L3MBTL4: variants seen among roughly 807,000 people sequenced by gnomAD.
L3MBTL4 encodes L3MBTL histone methyl-lysine binding protein 4.
A neutral mutation model predicts 84.5 loss-of-function variants in L3MBTL4; 70 were observed. The ratio of observed to expected loss-of-function variants is 0.83; its 90% CI spans 0.68 to 1.01. The LOEUF is 1.01. Among genes scored for constraint, L3MBTL4 ranks in the 50% least tolerant of loss-of-function variants. The pLI, the probability that L3MBTL4 is intolerant of heterozygous loss-of-function variation, is 0.00. For missense variants in L3MBTL4, 715 were observed against 754.8 expected (o/e 0.95, Z 0.62); for synonymous variants, 274 against 259.8 (o/e 1.05, Z -0.52).
intron 14 of L3MBTL4, among the ~76,000 whole-genome samples, chr18:6,127,974 G>GT (rs1165890746): frequency 2.1e-4 from 29 of 135,384 alleles, no homozygotes; most frequent in Non-Finnish European, 4.5e-5. Context: ...AATGCCTTTA[G>GT]TATAATGGGA....
intron 1 of L3MBTL4, among the ~76,000 whole-genome samples, chr18:6,340,217 C>A (rs2052542673): frequency 6.6e-6 from 1 of 152,126 alleles, no homozygotes; most frequent in South Asian, 2.1e-4. Context: ...CCTCATACTG[C>A]CACAAAAACA....
intron 10 of L3MBTL4, among the ~76,000 whole-genome samples, chr18:6,233,623 T>C (rs1052928200): frequency 4.6e-5 from 7 of 151,896 alleles, no homozygotes; most frequent in Non-Finnish European, 8.8e-5. Flanking sequence ...TGTGAAGGAC[T>C]TCTTCAAGGA....
chr18:6,192,376 T>C (rs1365868692), intron 12 of L3MBTL4, among the ~76,000 whole-genome samples: 1 of 151,936 alleles, frequency 6.6e-6, no homozygotes, highest in Admixed American at 6.6e-5. Flanking sequence ...AGGATGGGCA[T>C]GTAGATAAGG....
intron 16 of L3MBTL4, among the ~76,000 whole-genome samples, chr18:6,010,882 T>C (rs1449411196): frequency 6.6e-6 from 1 of 152,198 alleles, no homozygotes; most frequent in Non-Finnish European, 1.5e-5. Flanking sequence ...AGGCTAAACA[T>C]CAAGAAGAAC....
chr18:6,265,906 T>C (rs1309661523), intron 4 of L3MBTL4, among the ~76,000 whole-genome samples: 1 of 152,204 alleles, frequency 6.6e-6, no homozygotes, highest in Non-Finnish European at 1.5e-5. Flanking sequence ...TTCCACAGCA[T>C]GCTGACTATA....
chr18:6,328,584 C>T (rs2051849254), intron 1 of L3MBTL4, among the ~76,000 whole-genome samples: 1 of 152,206 alleles, frequency 6.6e-6, no homozygotes, highest in Non-Finnish European at 1.5e-5. Context: ...CATGAAAACA[C>T]GCTATATGCA....
chr18:6,134,528 G>A (rs1438546808), intron 14 of L3MBTL4, among the ~76,000 whole-genome samples: 2 of 152,168 alleles, frequency 1.3e-5, no homozygotes, highest in African/African-American at 4.8e-5. Flanking sequence ...TAGATACAAT[G>A]GGGGTACAGG....
chr18:6,039,410 G>T (rs1015184441), intron 16 of L3MBTL4, among the ~76,000 whole-genome samples: 1 of 151,916 alleles, frequency 6.6e-6, no homozygotes, highest in Non-Finnish European at 1.5e-5. Context: ...TATTCTCTAA[G>T]GACTATTCAC....
At chr18:6,295,310 C>CAACA (rs1568450379) in intron 4 of L3MBTL4, among the ~76,000 whole-genome samples, 87 of 35,392 alleles carry the variant, frequency 2.5e-3, no homozygotes, top group African/African-American at 7.8e-3. Context: ...ACAACAACAA[C>CAACA]TCTCTCTCTC....
chr18:5,995,377 A>AT (rs565650768), intron 16 of L3MBTL4, among the ~76,000 whole-genome samples: 85 of 151,228 alleles, frequency 5.6e-4, no homozygotes, highest in Middle Eastern at 3.4e-3. Flanking sequence ...AGCCTGAACC[A>AT]TTTTTTTTTC....
chr18:6,057,112 C>A (rs1476241316), intron 16 of L3MBTL4, among the ~76,000 whole-genome samples: 2 of 151,934 alleles, frequency 1.3e-5, no homozygotes, highest in Non-Finnish European at 2.9e-5. Flanking sequence ...TTCACTGCAA[C>A]CTCTGCCTCC....
intron 1 of L3MBTL4, among the ~76,000 whole-genome samples, chr18:6,351,977 C>A (rs1183098832): frequency 1.3e-5 from 2 of 152,108 alleles, no homozygotes. Flanking sequence ...TGAGCCACCA[C>A]TCAAGTCAAA....
At chr18:5,985,778 C>T (rs1055715073) in intron 16 of L3MBTL4, among the ~76,000 whole-genome samples, 8 of 151,944 alleles carry the variant, frequency 5.3e-5, no homozygotes, top group African/African-American at 9.7e-5. Flanking sequence ...TTTTAGAGCA[C>T]GAGACTAGGG....
At chr18:6,019,524 T>C (rs2055153745) in intron 16 of L3MBTL4, among the ~76,000 whole-genome samples, 2 of 152,178 alleles carry the variant, frequency 1.3e-5, no homozygotes, top group Admixed American at 6.5e-5. Context: ...TCAAGAAGCA[T>C]TGTGTAAATG....
intron 4 of L3MBTL4, among the ~76,000 whole-genome samples, chr18:6,268,603 G>T (rs2048735606): frequency 6.6e-6 from 1 of 152,118 alleles, no homozygotes; most frequent in East Asian, 1.9e-4. Flanking sequence ...ACATACTACA[G>T]ATATGGCACT....
intron 16 of L3MBTL4, among the ~76,000 whole-genome samples, chr18:5,970,534 G>C (rs2052589562): frequency 6.6e-6 from 1 of 152,172 alleles, no homozygotes; most frequent in Non-Finnish European, 1.5e-5. Context: ...AGAGATTTCA[G>C]AGAAAACCAA....
intron 16 of L3MBTL4, among the ~76,000 whole-genome samples, chr18:5,982,931 T>G (rs2053301700): frequency 6.6e-6 from 1 of 152,234 alleles, no homozygotes; most frequent in Non-Finnish European, 1.5e-5. Context: ...GGTTTAAAGC[T>G]ATCATATCAG....
chr18:6,392,899 T>C (rs341218), intron 1 of L3MBTL4, among the ~76,000 whole-genome samples: 78,536 of 151,872 alleles, frequency 0.52, 20,370 homozygotes, highest in East Asian at 0.59. Context: ...TAGAGTGGTA[T>C]CAAGAACTTT....
intron 1 of L3MBTL4, among the ~76,000 whole-genome samples, chr18:6,405,203 T>C (rs2055675123): frequency 6.6e-6 from 1 of 152,226 alleles, no homozygotes. Context: ...GATCTTTCTT[T>C]TGTGCCCTAC....
Sources: gnomAD v4.1 joint callset for allele counts (sites outside exome capture counted in the v4.1 genomes callset) on GRCh38, gnomAD v4.1.1 for gene constraint, MANE v1.5 for transcripts, NCBI Gene and HGNC (gene_info 2026-07-23, HGNC 2026-07-21) for gene names.